BAZ2B: variants seen among roughly 807,000 people sequenced by gnomAD.
The protein encoded by BAZ2B is bromodomain adjacent to zinc finger domain 2B.
A neutral mutation model predicts 246.0 loss-of-function variants in BAZ2B; 91 were observed. The ratio of observed to expected loss-of-function variants is 0.37; its 90% CI spans 0.31 to 0.44. The LOEUF (loss-of-function observed/expected upper bound fraction) is 0.44. BAZ2B is among the 20% of genes least tolerant of loss of function. The pLI is 1.00. For missense variants in BAZ2B, 2,332 were observed against 2,533.7 expected (o/e 0.92, Z 1.71); for synonymous variants, 855 against 860.0 (o/e 0.99, Z 0.10).
chr2:159,519,401 T>C (rs1423740601), intron 2 of BAZ2B, among the ~76,000 whole-genome samples: 1 of 147,356 alleles, frequency 6.8e-6, no homozygotes, highest in Admixed American at 6.8e-5. Context: ...GGCTAATTTT[T>C]TGTATTTTTT....
the BAZ2B span, among the ~76,000 whole-genome samples, chr2:159,647,166 C>A: frequency 6.6e-6 from 1 of 152,042 alleles, no homozygotes; most frequent in Non-Finnish European, 1.5e-5. Context: ...GAAACAAAAC[C>A]AAAAGGATGT....
At chr2:159,558,423 A>T (rs2089465379) in intron 1 of BAZ2B, among the ~76,000 whole-genome samples, 1 of 151,530 alleles carries the variant, frequency 6.6e-6, no homozygotes, top group African/African-American at 2.4e-5. Context: ...TGCCTGGCTA[A>T]TTTTTTTTGT....
At chr2:159,343,326 C>T (rs2067093986) in intron 31 of BAZ2B, among the ~76,000 whole-genome samples, 1 of 152,066 alleles carries the variant, frequency 6.6e-6, no homozygotes, top group East Asian at 1.9e-4. Context: ...AGAAACAGGA[C>T]ACTGGTCTGG....
At chr2:159,625,170 T>C in the BAZ2B span, among the ~76,000 whole-genome samples, 2 of 151,986 alleles carry the variant, frequency 1.3e-5, no homozygotes, top group East Asian at 1.9e-4. Flanking sequence ...CCAAGAAATA[T>C]GGGACTATGT....
intron 31 of BAZ2B, among the ~76,000 whole-genome samples, chr2:159,341,260 A>C (rs953379878): frequency 3.9e-5 from 6 of 152,194 alleles, no homozygotes; most frequent in African/African-American, 1.4e-4. Flanking sequence ...AACAAACTTC[A>C]AGTTAAAAGC....
At chr2:159,600,100 A>C (rs1351123031) in intron 1 of BAZ2B, among the ~76,000 whole-genome samples, 1 of 152,164 alleles carries the variant, frequency 6.6e-6, no homozygotes, top group Non-Finnish European at 1.5e-5. Flanking sequence ...CAGATTCCTT[A>C]GAAAAAGTTC....
chr2:159,643,983 A>C, the BAZ2B span, among the ~76,000 whole-genome samples: 1 of 152,004 alleles, frequency 6.6e-6, no homozygotes, highest in Non-Finnish European at 1.5e-5. Context: ...AGTGGCTGTC[A>C]CATGTATTAC....
the BAZ2B span, among the ~76,000 whole-genome samples, chr2:159,630,274 G>A: frequency 6.6e-6 from 1 of 152,184 alleles, no homozygotes; most frequent in Admixed American, 6.5e-5. Context: ...AGTGGGCTAT[G>A]ACCATGCCAC....
rs1397299100 is a variant in BAZ2B, at chr2:159,495,041, A to G, written c.-2-16320T>C. Among the ~76,000 whole-genome samples the G allele has an allele frequency of 2.6e-5, 4 of 152,318 alleles. No homozygotes were observed. In the East Asian group the frequency reaches 7.7e-4, roughly 29 times the overall value. On this transcript the variant is annotated intron_variant, in intron 2 of 36. Transcript: ENST00000392783. ...ATTTAGGAAATGGGGTGGCCTTTTC[A>G]GGGGCCATATGTGTAGATGAGCAAA...
chr2:159,599,258 C>T (rs1478247461), intron 1 of BAZ2B, among the ~76,000 whole-genome samples: 1 of 152,146 alleles, frequency 6.6e-6, no homozygotes, highest in Non-Finnish European at 1.5e-5. Flanking sequence ...TGGTCCCTGT[C>T]TTACAGGGAC....
intron 2 of BAZ2B, among the ~76,000 whole-genome samples, chr2:159,483,980 C>A (rs1223383682): frequency 6.6e-6 from 1 of 152,008 alleles, no homozygotes; most frequent in Non-Finnish European, 1.5e-5. Flanking sequence ...ATAGATGTTT[C>A]CTGTAGCCTA....
At chr2:159,336,897 G>T in intron 33 of BAZ2B, 45 bp downstream of exon 33, 1 of 1,479,350 alleles carries the variant, frequency 6.8e-7, no homozygotes, top group Non-Finnish European at 9.2e-7. Context: ...GAAGAAACAG[G>T]ACAAAGTAAA....
intron 2 of BAZ2B, among the ~76,000 whole-genome samples, chr2:159,525,664 A>G (rs1159385303): frequency 1.3e-5 from 2 of 152,136 alleles, no homozygotes; most frequent in East Asian, 3.8e-4. Context: ...AGACCCAACC[A>G]TTTCAGATAA....
Position 159,472,073 on chromosome 2 carries a change from C to T in BAZ2B, c.145+6502G>A, listed in dbSNP as rs79871539. ...TAATTGGTTCATTCAAGATTTGTTT[C>T]AACTTCTTTTTAGTGAGCATGGAAT... On this transcript the variant is annotated intron_variant, in intron 3 of 36. Coordinates refer to ENST00000392783, the MANE Select transcript of BAZ2B (RefSeq NM_013450.4). Among the ~76,000 whole-genome samples the T allele has an allele frequency of 6.6e-3, 1,012 of 152,202 alleles. 4 individuals carry two copies. The highest frequency in any genetic ancestry group is 0.01 in the Middle Eastern group (3 of 294).
In BAZ2B at chr2:159,523,484, T is replaced by A. The variant is rs568191848; in HGVS notation, c.-3+32339A>T. On this transcript the variant is annotated intron_variant, in intron 2 of 36. Transcript: ENST00000392783. Reference sequence around the variant, plus strand: ...ACTTTGGGAGGTCGAGGCGGGCGGATCACAAGATCAGGAGTTCGAGACCAG... The same window carrying A: ...ACTTTGGGAGGTCGAGGCGGGCGGAACACAAGATCAGGAGTTCGAGACCAG... Among the ~76,000 whole-genome samples the A allele has an allele frequency of 4.6e-5, 7 of 151,646 alleles. No homozygotes were observed. In the East Asian group the frequency reaches 1.2e-3, roughly 25 times the overall value.
chr2:159,343,366 G>C (rs1270852934), intron 31 of BAZ2B, among the ~76,000 whole-genome samples: 1 of 151,974 alleles, frequency 6.6e-6, no homozygotes, highest in Non-Finnish European at 1.5e-5. Context: ...AACTTCAAAA[G>C]CACAGGTAAC....
At chr2:159,608,076 A>G (rs1394149784) in intron 1 of BAZ2B, among the ~76,000 whole-genome samples, 1 of 152,232 alleles carries the variant, frequency 6.6e-6, no homozygotes, top group African/African-American at 2.4e-5. Context: ...CTAATACAGT[A>G]TAGAAAAATT....
intron 2 of BAZ2B, among the ~76,000 whole-genome samples, chr2:159,509,036 A>G (rs545254324): frequency 5.9e-5 from 9 of 152,328 alleles, no homozygotes; most frequent in African/African-American, 2.2e-4. Flanking sequence ...AAAGATAGGT[A>G]AACATTGTTC....
the BAZ2B span, among the ~76,000 whole-genome samples, chr2:159,668,979 C>A: frequency 6.6e-6 from 1 of 151,904 alleles, no homozygotes; most frequent in Non-Finnish European, 1.5e-5. Context: ...TTGCTTGAAC[C>A]TAGGAGGCAG....
Sources: allele counts gnomAD v4.1 joint callset (sites outside exome capture counted in the v4.1 genomes callset), GRCh38; gene constraint gnomAD v4.1.1; transcripts MANE v1.5; gene names NCBI Gene and HGNC (gene_info 2026-07-23, HGNC 2026-07-21).